The following ERG variants were observed in gnomAD, a reference collection of about 807,000 sequenced individuals.
ERG encodes transcriptional regulator ERG.
Under a neutral mutation model 55.3 loss-of-function variants are expected in ERG, and 9 were observed. The observed-to-expected ratio is 0.16, with a 90% CI of 0.10 to 0.28. ERG has a LOEUF of 0.28. ERG is among the 10% of genes least tolerant of loss of function. The pLI is 1.00. For missense variants in ERG, 434 were observed against 631.6 expected (o/e 0.69, Z 3.35); for synonymous variants, 223 against 237.3 (o/e 0.94, Z 0.55).
At chr21:38,516,108 A>G (rs1450394030) in intron 2 of ERG, among the ~76,000 whole-genome samples, 2 of 152,070 alleles carry the variant, frequency 1.3e-5, no homozygotes, top group Admixed American at 6.6e-5. Flanking sequence ...CTTCTATTCA[A>G]TATAGGACTG....
intron 2 of ERG, among the ~76,000 whole-genome samples, chr21:38,520,673 G>C (rs1052738443): frequency 6.6e-6 from 1 of 152,184 alleles, no homozygotes; most frequent in Non-Finnish European, 1.5e-5. Context: ...TAGGGGACGG[G>C]TGACTCATTC....
intron 4 of ERG, 109 bp downstream of exon 4, chr21:38,403,397 T>A (rs914010660): frequency 9.4e-7 from 1 of 1,067,362 alleles, no homozygotes; most frequent in Non-Finnish European, 1.4e-6. Context: ...CAGTGGGAAC[T>A]GGGCGAGGGC....
intron 3 of ERG, among the ~76,000 whole-genome samples, chr21:38,407,647 T>TATATAA (rs891801676): frequency 9.5e-5 from 14 of 146,686 alleles, no homozygotes; most frequent in Non-Finnish European, 1.9e-4. Context: ...TATATATATT[T>TATATAA]AATGTATATT....
At chr21:38,544,036 G>A (rs993370260) in intron 2 of ERG, among the ~76,000 whole-genome samples, 6 of 152,176 alleles carry the variant, frequency 3.9e-5, no homozygotes, top group African/African-American at 9.7e-5. Context: ...TGCCAAGCCC[G>A]GCCTGGGGAA....
chr21:38,433,596 C>A (rs1351278597), intron 2 of ERG, among the ~76,000 whole-genome samples: 1 of 151,510 alleles, frequency 6.6e-6, no homozygotes. Context: ...GGAAAGAACC[C>A]GCAATGAAAT....
At chr21:38,520,016 C>T (rs1359446014) in intron 2 of ERG, among the ~76,000 whole-genome samples, 1 of 140,966 alleles carries the variant, frequency 7.1e-6, no homozygotes, top group African/African-American at 2.8e-5. Context: ...CAGACACACA[C>T]ACATACACAC....
At position 38,646,898 on chromosome 21, in the gene ERG, C is replaced by G. The variant is rs143843173; in HGVS notation, c.-150+14760G>C. Among the ~76,000 whole-genome samples, 3 of 152,166 alleles carry G rather than the reference C, an allele frequency of 2.0e-5. No homozygotes were observed. In the East Asian group the frequency reaches 5.8e-4, roughly 29 times the overall value. ...TCCCGCCACATGACCTGCACTGTTA[C>G]ATCCAAAGCGTGCAGGGAAAAGGCT... is the stretch of plus-strand genomic sequence containing the variant. On this transcript the variant is annotated intron_variant, in intron 1 of 10. Coordinates refer to the ERG transcript ENST00000398910.
At chr21:38,544,091 A>T (rs550180945) in intron 2 of ERG, among the ~76,000 whole-genome samples, 1 of 152,338 alleles carries the variant, frequency 6.6e-6, no homozygotes, top group Non-Finnish European at 1.5e-5. Flanking sequence ...TGTGAAGGTG[A>T]TGAAGACCCA....
At chr21:38,468,180 C>T (rs1439732550) in intron 1 of ERG, among the ~76,000 whole-genome samples, 3 of 152,152 alleles carry the variant, frequency 2.0e-5, no homozygotes, top group African/African-American at 7.2e-5. Flanking sequence ...TCCTATAGGT[C>T]GGCACCTTCC....
At chr21:38,570,128 C>A (rs992274290) in intron 2 of ERG, among the ~76,000 whole-genome samples, 1 of 152,212 alleles carries the variant, frequency 6.6e-6, no homozygotes, top group African/African-American at 2.4e-5. Context: ...TAACACCAAG[C>A]CAATACAAAA....
chr21:38,571,256 A>G (rs1369123208), intron 2 of ERG, among the ~76,000 whole-genome samples: 1 of 152,206 alleles, frequency 6.6e-6, no homozygotes, highest in African/African-American at 2.4e-5. Context: ...TCATGCCTGT[A>G]ATCCCAGCAT....
intron 1 of ERG, among the ~76,000 whole-genome samples, chr21:38,634,763 C>A (rs767931882): frequency 2.0e-5 from 3 of 152,188 alleles, no homozygotes; most frequent in Non-Finnish European, 2.9e-5. Context: ...GATTGATGAT[C>A]CATTTTTAGA....
intron 1 of ERG, among the ~76,000 whole-genome samples, chr21:38,594,092 C>G (rs971673897): frequency 1.3e-5 from 2 of 152,110 alleles, no homozygotes; most frequent in African/African-American, 4.8e-5. Flanking sequence ...ACCTTGAACT[C>G]ATCATGAAAA....
chr21:38,408,569 C>T, intron 3 of ERG, among the ~76,000 whole-genome samples: 1 of 152,210 alleles, frequency 6.6e-6, no homozygotes, highest in East Asian at 1.9e-4. Context: ...GATGCTGCAG[C>T]TGTAGATGAT....
At chr21:38,401,073 T>C (rs1277377212) in intron 5 of ERG, among the ~76,000 whole-genome samples, 2 of 152,250 alleles carry the variant, frequency 1.3e-5, no homozygotes, top group East Asian at 1.9e-4. Context: ...CCTAAGAGTA[T>C]ATGGATTTTA....
intron 2 of ERG, among the ~76,000 whole-genome samples, chr21:38,429,629 GTATA>G (rs551178158): frequency 6.9e-6 from 1 of 144,848 alleles, no homozygotes; most frequent in Non-Finnish European, 1.5e-5. Flanking sequence ...ATACATATGT[GTATA>G]TATACATGTA....
At chr21:38,566,753 C>G (rs919122901) in intron 2 of ERG, among the ~76,000 whole-genome samples, 4 of 152,204 alleles carry the variant, frequency 2.6e-5, no homozygotes, top group African/African-American at 9.6e-5. Context: ...TATCGATTAT[C>G]TAAGGCTAGG....
intron 1 of ERG, among the ~76,000 whole-genome samples, chr21:38,466,466 A>C (rs181956694): frequency 6.6e-6 from 1 of 152,222 alleles, no homozygotes; most frequent in Admixed American, 6.5e-5. Flanking sequence ...TGAAAAGTAC[A>C]GTTTGTTTCA....
intron 2 of ERG, among the ~76,000 whole-genome samples, chr21:38,516,153 C>G (rs891839201): frequency 6.6e-6 from 1 of 151,778 alleles, no homozygotes; most frequent in African/African-American, 2.4e-5. Context: ...CAAGAGAAAG[C>G]AATAAAGGTC....
Sources: allele counts gnomAD v4.1 joint callset (sites outside exome capture counted in the v4.1 genomes callset), GRCh38; gene constraint gnomAD v4.1.1; transcripts MANE v1.5; gene names NCBI Gene and HGNC (gene_info 2026-07-23, HGNC 2026-07-21).